KDM4B: variants seen among roughly 807,000 people sequenced by gnomAD.
KDM4B encodes the protein lysine demethylase 4B.
Under a neutral mutation model 125.2 loss-of-function variants are expected in KDM4B, and 32 were observed. That is an observed-to-expected ratio of 0.26 (90% CI 0.19 to 0.34). The LOEUF is 0.34. KDM4B is among the 10% of genes least tolerant of loss of function. KDM4B has a pLI of 1.00. For missense variants in KDM4B, 1,190 were observed against 1,577.7 expected, an observed-to-expected ratio of 0.75 and a Z score of 4.16; for synonymous variants, 721 against 677.9, an observed-to-expected ratio of 1.06 and a Z score of -0.99.
chr19:5,041,369 C>A, intron 5 of KDM4B, 118 bp downstream of exon 5: 1 of 699,900 alleles, frequency 1.4e-6, no homozygotes, highest in Admixed American at 2.4e-5. Flanking sequence ...AGGTTAACCC[C>A]CTCGCCCAGG....
intron 3 of KDM4B, among the ~76,000 whole-genome samples, chr19:5,033,241 G>A (rs148212077): frequency 2.7e-4 from 41 of 152,336 alleles, no homozygotes; most frequent in African/African-American, 9.9e-4. Flanking sequence ...TTGAGAAGTG[G>A]CCGGTGCAGG....
At chr19:4,992,155 C>T (rs369382109) in intron 1 of KDM4B, among the ~76,000 whole-genome samples, 4 of 152,026 alleles carry the variant, frequency 2.6e-5, no homozygotes, top group African/African-American at 7.2e-5. Context: ...ATTGCAGTGG[C>T]GGTTCCAGGA....
intron 1 of KDM4B, among the ~76,000 whole-genome samples, chr19:4,995,381 C>T (rs865895147): frequency 3.7e-4 from 56 of 152,074 alleles, no homozygotes; most frequent in African/African-American, 1.3e-3. Context: ...TGGGTTCAAG[C>T]GATTCTCCTG....
intron 6 of KDM4B, among the ~76,000 whole-genome samples, chr19:5,055,869 C>T (rs932051363): frequency 1.3e-5 from 2 of 152,150 alleles, no homozygotes; most frequent in Non-Finnish European, 2.9e-5. Flanking sequence ...AGTTCCCCAC[C>T]GGGTTCCCTG....
chr19:5,080,437 C>T (rs561953363), intron 8 of KDM4B, among the ~76,000 whole-genome samples: 196 of 152,312 alleles, frequency 1.3e-3, no homozygotes, highest in Non-Finnish European at 2.3e-3. Flanking sequence ...AGACGCGTTA[C>T]GAAGGAGCTG....
intron 2 of KDM4B, among the ~76,000 whole-genome samples, chr19:5,031,210 G>A (rs1287213528): frequency 6.6e-6 from 1 of 152,230 alleles, no homozygotes; most frequent in Non-Finnish European, 1.5e-5. Context: ...GGTCGCAGGT[G>A]AGGATTGGGT....
At chr19:4,993,076 C>T (rs1454602745) in intron 1 of KDM4B, among the ~76,000 whole-genome samples, 1 of 152,168 alleles carries the variant, frequency 6.6e-6, no homozygotes, top group South Asian at 2.1e-4. Context: ...AAGTCTCTCT[C>T]TTTGTTGCTC....
chr19:5,118,971 G>C (rs371064445), intron 10 of KDM4B: 8 of 613,594 alleles, frequency 1.3e-5, no homozygotes, highest in Non-Finnish European at 2.3e-5. Context: ...TCAGAGCAGC[G>C]GAGTGTGAGC....
At chr19:5,111,148 C>T (rs1043367613) in intron 10 of KDM4B, among the ~76,000 whole-genome samples, 2 of 152,248 alleles carry the variant, frequency 1.3e-5, no homozygotes, top group African/African-American at 4.8e-5. Context: ...CCCCAGGCCC[C>T]GTGCCATTGC....
intron 6 of KDM4B, among the ~76,000 whole-genome samples, chr19:5,062,460 G>T (rs903477690): frequency 6.6e-6 from 1 of 152,222 alleles, no homozygotes; most frequent in Non-Finnish European, 1.5e-5. Context: ...GTGTGGAGGG[G>T]TTTTACCCAG....
In KDM4B at chr19:5,150,523, C is replaced by G; in HGVS notation, c.3114+73C>G. 4 of 1,114,112 alleles carry G rather than the reference C, an allele frequency of 3.6e-6. No homozygotes were observed. The South Asian group carries it at 5.5e-5, about 15-fold the overall frequency. 69.0% of individuals were successfully genotyped at this position (1,114,112 alleles called of 1,614,324 possible). A position where few individuals can be genotyped will look rare whatever the true frequency, so the allele number is the denominator to read the frequency against. ...CGTCTGGGACGAGGCAGGGCACAGA[C>G]TGCGTCTTCCAATGGCGTGGACCAC... On this transcript the variant is annotated intron_variant, in intron 22 of 22. Coordinates refer to ENST00000159111, the MANE Select transcript of KDM4B (RefSeq NM_015015.3).
At chr19:5,034,963 A>T (rs752693882) in intron 3 of KDM4B, among the ~76,000 whole-genome samples, 2 of 152,168 alleles carry the variant, frequency 1.3e-5, no homozygotes, top group Non-Finnish European at 2.9e-5. Context: ...AGTAGCTGGG[A>T]CCACAGGTGT....
At chr19:5,033,664 G>T (rs541639331) in intron 3 of KDM4B, among the ~76,000 whole-genome samples, 1 of 152,198 alleles carries the variant, frequency 6.6e-6, no homozygotes, top group East Asian at 1.9e-4. Flanking sequence ...GGGCGACAGC[G>T]CAGGTACATA....
intron 6 of KDM4B, among the ~76,000 whole-genome samples, chr19:5,048,514 C>G (rs185449595): frequency 6.7e-6 from 1 of 149,480 alleles, no homozygotes; most frequent in East Asian, 2.0e-4. Context: ...GCCGTCCTCG[C>G]GCTGGAGGAG....
chr19:4,970,027 C>T (rs972197053), intron 1 of KDM4B, among the ~76,000 whole-genome samples: 1 of 152,186 alleles, frequency 6.6e-6, no homozygotes, highest in African/African-American at 2.4e-5. Context: ...TCCGCCGAGA[C>T]CCCTTTTCTG....
chr19:5,152,526 C>T lies in KDM4B; in HGVS notation c.*1015C>T, dbSNP rs895432596. The T allele has an allele frequency of 5.3e-5, 8 of 152,274 alleles. No homozygotes were observed. Among genetic ancestry groups the T allele is most frequent in the Admixed American group, 1.3e-4 (2 of 15,282 alleles). 9.4% of individuals were successfully genotyped at this position (152,274 alleles called of 1,614,324 possible). On this transcript the variant is annotated 3_prime_UTR_variant, in exon 23 of 23. Coordinates refer to ENST00000159111, the MANE Select transcript of KDM4B (RefSeq NM_015015.3). ...TCTTCGGGTACAACCCTGAGCAGGT[C>T]GGGGGACACAGGGCCGAGGCAGGCC...
intron 21 of KDM4B, among the ~76,000 whole-genome samples, chr19:5,147,094 T>C (rs1417200580): frequency 1.3e-5 from 2 of 151,044 alleles, no homozygotes; most frequent in Admixed American, 6.7e-5. Flanking sequence ...CGGACTGGAC[T>C]CCGAGGAGGG....
Position 5,146,761 on chromosome 19 carries a change from C to T in KDM4B, c.3021+1859C>T, listed in dbSNP as rs906342972. Among the ~76,000 whole-genome samples the T allele has an allele frequency of 7.8e-5, 2 of 25,542 alleles. 1 individual carries two copies. The highest frequency in any genetic ancestry group is 1.5e-4 in the Non-Finnish European group (2 of 12,920). 16.8% of individuals were successfully genotyped at this position (25,542 alleles called of 152,430 possible). A position where few individuals can be genotyped will look rare whatever the true frequency, so the allele number is the denominator to read the frequency against. On this transcript the variant is annotated intron_variant, in intron 21 of 22. Coordinates refer to ENST00000159111, the MANE Select transcript of KDM4B (RefSeq NM_015015.3). Reference sequence around the variant, plus strand: ...GGGCAACAAAGTGAGACCCCCCCCCCCCCCACAATCTCTACAAAAAATTTT... The same window carrying T: ...GGGCAACAAAGTGAGACCCCCCCCCTCCCCACAATCTCTACAAAAAATTTT...
intron 1 of KDM4B, among the ~76,000 whole-genome samples, chr19:4,976,766 T>C (rs2145299673): frequency 6.6e-6 from 1 of 152,302 alleles, no homozygotes; most frequent in Non-Finnish European, 1.5e-5. Context: ...GTGGCCATCG[T>C]GCGGTCAGTA....
Sources: gnomAD v4.1 joint callset for allele counts (sites outside exome capture counted in the v4.1 genomes callset) on GRCh38, gnomAD v4.1.1 for gene constraint, MANE v1.5 for transcripts, NCBI Gene and HGNC (gene_info 2026-07-23, HGNC 2026-07-21) for gene names.